Variants in BRWD1 observed in about 807,000 individuals in gnomAD.
The protein encoded by BRWD1 is bromodomain and WD repeat-containing protein 1.
Under a neutral mutation model 251.2 loss-of-function variants are expected in BRWD1, and 82 were observed. The ratio of observed to expected loss-of-function variants is 0.33; its 90% CI spans 0.27 to 0.39. BRWD1 has a LOEUF of 0.39. Among genes scored for constraint, BRWD1 ranks in the 10% least tolerant of loss-of-function variants. The pLI is 1.00. For synonymous variants in BRWD1, 918 were observed against 902.8 expected, an observed-to-expected ratio of 1.02 and a Z score of -0.30; for missense variants, 2,233 against 2,711.6, an observed-to-expected ratio of 0.82 and a Z score of 3.92.
intron 8 of BRWD1, among the ~76,000 whole-genome samples, chr21:39,292,665 A>G (rs1352398085): frequency 6.6e-6 from 1 of 152,162 alleles, no homozygotes; most frequent in Non-Finnish European, 1.5e-5. Context: ...ATATTAAACT[A>G]CTCCAACAGG....
chr21:39,295,824 T>C lies in BRWD1; in HGVS notation c.528A>G (p.Ile176Met). 2 of 1,612,346 alleles carry C rather than the reference T, an allele frequency of 1.2e-6. No individual in the cohort carries two copies. ...GTCCGAGAATCCTTCTGTGCATTTT[T>C]ATATGCTGATACATAGTTCCTGGAA... ...TAFPGTMYQHIKMHRRILGHL... is the reference protein window; with the variant it reads ...TAFPGTMYQHMKMHRRILGHL... The change falls in exon 7 of 41, where the codon ATA (isoleucine) becomes ATG (methionine). Residue 176 changes from isoleucine (I) to methionine (M), a missense_variant. Ile to Met is a conservative substitution (Grantham distance 10). This residue lies in a region of BRWD1 where 185 missense variants were observed against 260.6 expected (regional missense o/e 0.71). Coordinates refer to ENST00000342449, the MANE Select transcript of BRWD1 (RefSeq NM_033656.4).
At chr21:39,265,786 T>C (rs1053476293) in intron 15 of BRWD1, among the ~76,000 whole-genome samples, 2 of 152,242 alleles carry the variant, frequency 1.3e-5, no homozygotes, top group African/African-American at 2.4e-5. Flanking sequence ...CTAAGCACCA[T>C]GCAAAATTTG....
chr21:39,190,406 A>G lies in BRWD1; in HGVS notation c.*5853T>C, dbSNP rs2031490877. ...AAACAGATTTGAGAATGAGAAAAGA[A>G]TGTCTGACTCAAAATGAAAACATAC... On this transcript the variant is annotated 3_prime_UTR_variant, in exon 41 of 41. Coordinates refer to ENST00000342449, the MANE Select transcript of BRWD1 (RefSeq NM_033656.4). 1 of 985,384 alleles carries G rather than the reference A, an allele frequency of 1.0e-6. No homozygotes were observed. Among genetic ancestry groups the G allele is most frequent in the South Asian group, 4.7e-5 (1 of 21,282 alleles). 61.0% of individuals were successfully genotyped at this position (985,384 alleles called of 1,614,324 possible). A position where few individuals can be genotyped will look rare whatever the true frequency, so the allele number is the denominator to read the frequency against.
intron 26 of BRWD1, among the ~76,000 whole-genome samples, chr21:39,229,057 T>A (rs1345666061): frequency 6.6e-6 from 1 of 152,166 alleles, no homozygotes; most frequent in Non-Finnish European, 1.5e-5. Flanking sequence ...TATGTCAGAA[T>A]TCCCCACCCA....
rs559368433 is a variant in BRWD1, at chr21:39,298,957, C to G, written c.199-375G>C. On this transcript the variant is annotated intron_variant, in intron 4 of 40. Transcript: ENST00000342449. Reference sequence around the variant, plus strand: ...GCACTAACTGGGCCAGGGATGGTGACTCACACCTGTAATCTCAGCACTTTG... The same window carrying G: ...GCACTAACTGGGCCAGGGATGGTGAGTCACACCTGTAATCTCAGCACTTTG... Among the ~76,000 whole-genome samples the G allele has an allele frequency of 2.6e-5, 4 of 152,316 alleles. No homozygotes were observed. The South Asian group carries it at 6.2e-4, about 24-fold the overall frequency.
chr21:39,305,826 T>C (rs1226529757), intron 4 of BRWD1, among the ~76,000 whole-genome samples: 3 of 146,334 alleles, frequency 2.1e-5, no homozygotes, highest in Non-Finnish European at 3.0e-5. Context: ...ACTGCGCCAC[T>C]GCACTCCAGC....
chr21:39,249,918 GTGTGTGT>G lies in BRWD1; in HGVS notation c.2349+871_2349+877del, dbSNP rs1193562965. On this transcript the variant is annotated intron_variant, in intron 20 of 40. Transcript: ENST00000342449. ...CCAAGATCAAAAAAAGAAGGGGGGT[GTGTGTGT>G]GTGTGTGTGTGTGTGTGTGTGTGTG... is the stretch of plus-strand genomic sequence containing the variant. 0.016 allele frequency among the ~76,000 whole-genome samples: 125 copies of G among 7,744 alleles called. 1 individual carries two copies. In the East Asian group the frequency reaches 0.4, roughly 25 times the overall value. 5.1% of individuals were successfully genotyped at this position (7,744 alleles called of 152,430 possible).
At chr21:39,302,723 C>T (rs1471119123) in intron 4 of BRWD1, among the ~76,000 whole-genome samples, 1 of 143,228 alleles carries the variant, frequency 7.0e-6, no homozygotes, top group African/African-American at 2.6e-5. Context: ...CCACTGCACT[C>T]ACTCCTAGGT....
At position 39,293,904 on chromosome 21, in the gene BRWD1, C is replaced by A; in HGVS notation, c.738G>T (p.Gly246=). 1 of 1,614,122 alleles carries A rather than the reference C, an allele frequency of 6.2e-7. No individual in the cohort carries two copies. Among genetic ancestry groups the A allele is most frequent in the South Asian group, 1.1e-5 (1 of 91,078 alleles). The change falls in exon 8 of 41, where the codon GGG becomes GGT. Residue 246 remains glycine (G), a synonymous_variant. Transcript: ENST00000342449. Reference sequence around the variant, plus strand: ...ACACTCTAATAATTTTATCACAGCTCCCCGCAGCAATCATTGTATTCTCAT... The same window carrying A: ...ACACTCTAATAATTTTATCACAGCTACCCGCAGCAATCATTGTATTCTCAT... The part of the protein sequence containing the change: ...VNYENTMIAA[G]SCDKIIRVWC...
At chr21:39,201,974 A>G (rs1376041287) in intron 38 of BRWD1, among the ~76,000 whole-genome samples, 1 of 152,252 alleles carries the variant, frequency 6.6e-6, no homozygotes, top group Non-Finnish European at 1.5e-5. Flanking sequence ...TGGCAACAAC[A>G]TGAACAGTTT....
chr21:39,262,308 T>G (rs1601410507), intron 17 of BRWD1, among the ~76,000 whole-genome samples: 2 of 152,204 alleles, frequency 1.3e-5, no homozygotes, highest in African/African-American at 2.4e-5. Context: ...TACCCATCTA[T>G]TCCATGGGGT....
intron 18 of BRWD1, among the ~76,000 whole-genome samples, chr21:39,256,788 C>A (rs1001919864): frequency 7.2e-5 from 11 of 152,180 alleles, no homozygotes; most frequent in Non-Finnish European, 1.5e-4. Flanking sequence ...TTGTGGGAGG[C>A]TATGGAGCTG....
intron 32 of BRWD1, among the ~76,000 whole-genome samples, 186 bp from the exon 33 acceptor site, chr21:39,213,739 C>G (rs1286358967): frequency 6.6e-6 from 1 of 152,020 alleles, no homozygotes; most frequent in African/African-American, 2.4e-5. Context: ...AATTTAGAAT[C>G]TTGAAGGTTT....
At position 39,199,510 on chromosome 21, in the gene BRWD1, C is replaced by T. The variant is rs764132192; in HGVS notation, c.4906G>A (p.Ala1636Thr). 1.2e-6 allele frequency: 2 copies of T among 1,613,958 alleles called. No homozygotes were observed. Among genetic ancestry groups the T allele is most frequent in the African/African-American group, 1.3e-5 (1 of 75,038 alleles). Residue 1636 changes from alanine to threonine, a missense_variant, in exon 40 of 41, where the codon GCT becomes ACT. By Grantham distance (58) the Ala-to-Thr change is moderately conservative (BLOSUM62 0). Transcript: ENST00000342449. ...RKVLRKCAAVAANKIKLMSDV... is the reference protein window; with the variant it reads ...RKVLRKCAAVTANKIKLMSDV... The stretch of plus-strand genomic sequence containing the variant: ...CTCATTAGCTTTATTTTATTGGCAG[C>T]CACAGCAGCACACTTCCTTAAGACT...
chr21:39,201,720 G>A (rs753865267), intron 38 of BRWD1, among the ~76,000 whole-genome samples: 5 of 152,116 alleles, frequency 3.3e-5, no homozygotes, highest in Non-Finnish European at 5.9e-5. Flanking sequence ...CTTTCTCCAC[G>A]TTTTATCACA....
At chr21:39,272,782 AT>A (rs1034725196) in intron 13 of BRWD1, among the ~76,000 whole-genome samples, 2 of 149,114 alleles carry the variant, frequency 1.3e-5, no homozygotes, top group Non-Finnish European at 3.0e-5. Flanking sequence ...TAATTTTTCT[AT>A]TTTTTTTTAG....
Position 39,187,513 on chromosome 21 carries a change from ATAAATT to A in BRWD1, c.*8740_*8745del. ...CCTCAACAACACTCATTCGGAAACA[ATAAATT>A]TAAAAGTCATATTGCTAAATGATAA... is the stretch of plus-strand genomic sequence containing the variant. On this transcript the variant is annotated 3_prime_UTR_variant, in exon 41 of 41. Coordinates refer to ENST00000342449, the MANE Select transcript of BRWD1 (RefSeq NM_033656.4). 7.0e-7 allele frequency: 1 copy of A among 1,433,432 alleles called. No individual in the cohort carries two copies. Among genetic ancestry groups the A allele is most frequent in the Non-Finnish European group, 9.1e-7 (1 of 1,095,944 alleles). The allele number at this position is 1,433,432 out of a possible 1,614,324, so 88.8% of individuals were successfully genotyped here.
intron 29 of BRWD1, among the ~76,000 whole-genome samples, chr21:39,220,007 T>C (rs952847811): frequency 6.6e-6 from 1 of 151,362 alleles, no homozygotes; most frequent in Non-Finnish European, 1.5e-5. Flanking sequence ...AAAGACGCTG[T>C]ACAGGCAGGC....
In BRWD1 at chr21:39,190,799, T is replaced by C. The variant is rs1443106708; in HGVS notation, c.*5460A>G. ...AGGGGGAGCTGGTAACACTGCAGTA[T>C]GGCAGCATCAGGTCAAAAGACCATC... On this transcript the variant is annotated 3_prime_UTR_variant, in exon 41 of 41. Transcript: ENST00000342449. 3 of 985,218 alleles carry C rather than the reference T, an allele frequency of 3.0e-6. No individual in the cohort carries two copies. Among genetic ancestry groups the C allele is most frequent in the East Asian group, 1.1e-4 (1 of 8,828 alleles). 61.0% of individuals were successfully genotyped at this position (985,218 alleles called of 1,614,324 possible). A position where few individuals can be genotyped will look rare whatever the true frequency, so the allele number is the denominator to read the frequency against.
Sources: allele counts gnomAD v4.1 joint callset (sites outside exome capture counted in the v4.1 genomes callset), GRCh38; gene constraint gnomAD v4.1.1; regional missense constraint gnomAD v4.1.1; transcripts MANE v1.5; gene names NCBI Gene and HGNC (gene_info 2026-07-23, HGNC 2026-07-21).